PCSK5: variants seen among roughly 807,000 people sequenced by gnomAD.
The protein encoded by PCSK5 is proprotein convertase subtilisin/kexin type 5, also known as prohormone convertase 5.
A neutral mutation model predicts 233.2 loss-of-function variants in PCSK5; 129 were observed. The ratio of observed to expected loss-of-function variants is 0.55; its 90% CI spans 0.48 to 0.64. The LOEUF (loss-of-function observed/expected upper bound fraction) is 0.64. PCSK5 is among the 30% of genes least tolerant of loss of function. The pLI is 0.00. For missense variants in PCSK5, 2,076 were observed against 2,430.1 expected (o/e 0.85, Z 3.06); for synonymous variants, 825 against 879.2 (o/e 0.94, Z 1.09).
At chr9:76,043,818 G>A (rs868295901) in intron 5 of PCSK5, among the ~76,000 whole-genome samples, 1 of 151,980 alleles carries the variant, frequency 6.6e-6, no homozygotes, top group Admixed American at 6.6e-5. Context: ...GCAATCCACC[G>A]GTCTCATTCT....
chr9:76,273,146 G>A (rs904334173), intron 24 of PCSK5, among the ~76,000 whole-genome samples: 4 of 152,010 alleles, frequency 2.6e-5, no homozygotes, highest in African/African-American at 9.7e-5. Context: ...TCTGCCTTCT[G>A]TCTGTACCAC....
intron 3 of PCSK5, among the ~76,000 whole-genome samples, chr9:75,994,300 C>A (rs1251122487): frequency 6.6e-6 from 1 of 151,864 alleles, no homozygotes; most frequent in Non-Finnish European, 1.5e-5. Flanking sequence ...CCTTCCCCAC[C>A]ACTACCTTTA....
chr9:76,029,305 GA>G (rs1828558723), intron 5 of PCSK5, among the ~76,000 whole-genome samples: 1 of 152,086 alleles, frequency 6.6e-6, no homozygotes, highest in South Asian at 2.1e-4. Context: ...TAAAAGTAAA[GA>G]TTTGAAAGCA....
intron 17 of PCSK5, among the ~76,000 whole-genome samples, chr9:76,188,153 T>A (rs1824193263): frequency 1.3e-5 from 2 of 152,240 alleles, no homozygotes; most frequent in Admixed American, 6.5e-5. Flanking sequence ...GTGTTCCTAC[T>A]GCATTTATAA....
chr9:75,970,411 A>G (rs2131363414), intron 2 of PCSK5, among the ~76,000 whole-genome samples: 1 of 152,306 alleles, frequency 6.6e-6, no homozygotes, highest in South Asian at 2.1e-4. Context: ...ATCATTGCCA[A>G]GGCTGTGCCT....
At chr9:75,920,240 CA>C (rs368934034) in intron 1 of PCSK5, among the ~76,000 whole-genome samples, 1 of 152,076 alleles carries the variant, frequency 6.6e-6, no homozygotes. Flanking sequence ...TTTTAAAACT[CA>C]GAGTGACAGG....
chr9:75,947,345 A>G lies in PCSK5; in HGVS notation c.297+14862A>G, dbSNP rs190267526. On this transcript the variant is annotated intron_variant, in intron 2 of 37. Coordinates refer to ENST00000674117, the MANE Select transcript of PCSK5 (RefSeq NM_001372043.1). ...CCAGTGGTGGTAGAGTCAGGATAGAAAATAGAAGAAACCAAAAATAAAGTC... is the reference window on the plus strand; with the variant it reads ...CCAGTGGTGGTAGAGTCAGGATAGAGAATAGAAGAAACCAAAAATAAAGTC... 1.0e-3 allele frequency among the ~76,000 whole-genome samples: 154 copies of G among 152,360 alleles called. 2 individuals carry two copies. Among genetic ancestry groups the G allele is most frequent in the Non-Finnish European group, 2.6e-4 (18 of 68,038 alleles).
chr9:76,039,720 G>C (rs997261470), intron 5 of PCSK5, among the ~76,000 whole-genome samples: 1 of 152,140 alleles, frequency 6.6e-6, no homozygotes, highest in Non-Finnish European at 1.5e-5. Context: ...CTGCTTCTTT[G>C]GTCTTCCTGT....
At chr9:76,254,171 C>T (rs1042409549) in intron 24 of PCSK5, among the ~76,000 whole-genome samples, 5 of 152,118 alleles carry the variant, frequency 3.3e-5, no homozygotes, top group South Asian at 2.1e-4. Flanking sequence ...TACATGATTA[C>T]GCCTGGGATC....
intron 10 of PCSK5, among the ~76,000 whole-genome samples, chr9:76,135,556 A>G (rs184196696): frequency 4.9e-4 from 75 of 152,228 alleles, no homozygotes; most frequent in South Asian, 1.4e-3. Context: ...CTGAAGCCCA[A>G]ATCAGGAGAT....
intron 2 of PCSK5, among the ~76,000 whole-genome samples, chr9:75,939,291 T>A (rs981055039): frequency 7.9e-5 from 12 of 152,228 alleles, no homozygotes; most frequent in Admixed American, 7.9e-4. Context: ...TAACACAGTT[T>A]TGCAGAAAGT....
At chr9:75,969,593 C>T (rs2047018084) in intron 2 of PCSK5, among the ~76,000 whole-genome samples, 1 of 152,166 alleles carries the variant, frequency 6.6e-6, no homozygotes, top group African/African-American at 2.4e-5. Context: ...ATTCTCTGGT[C>T]AGTCGGGTCT....
intron 2 of PCSK5, among the ~76,000 whole-genome samples, chr9:75,943,029 C>T (rs1239531149): frequency 2.6e-5 from 4 of 151,676 alleles, no homozygotes; most frequent in Admixed American, 6.6e-5. Context: ...GGATTACAGG[C>T]GCTCGCCACC....
At chr9:76,054,710 G>A (rs1220468947) in intron 5 of PCSK5, among the ~76,000 whole-genome samples, 4 of 152,138 alleles carry the variant, frequency 2.6e-5, no homozygotes, top group Non-Finnish European at 4.4e-5. Context: ...TGCAAAAATA[G>A]TACAGAGTTC....
Position 76,157,232 on chromosome 9 carries a change from C to T in PCSK5, c.1430+70C>T, listed in dbSNP as rs3824475. 2.0e-3 allele frequency: 1,995 copies of T among 991,834 alleles called. 15 individuals carry two copies. Among genetic ancestry groups the T allele is most frequent in the East Asian group, 0.02 (823 of 41,948 alleles). The allele number at this position is 991,834 out of a possible 1,614,324, so 61.4% of individuals were successfully genotyped here. On this transcript the variant is annotated intron_variant, in intron 11 of 37. Coordinates refer to ENST00000674117, the MANE Select transcript of PCSK5 (RefSeq NM_001372043.1). The stretch of plus-strand genomic sequence containing the variant: ...GAGCAAGCCAGTCAATTGCTCAAGA[C>T]AGCCTCTTGTTGCACACAGAAGCTA...
At chr9:76,146,235 A>G (rs948383095) in intron 10 of PCSK5, among the ~76,000 whole-genome samples, 1 of 152,120 alleles carries the variant, frequency 6.6e-6, no homozygotes. Context: ...AAAGAAAGCT[A>G]TTGTGATCAC....
At chr9:76,263,449 T>A (rs1305512279) in intron 24 of PCSK5, among the ~76,000 whole-genome samples, 2 of 152,086 alleles carry the variant, frequency 1.3e-5, no homozygotes, top group Non-Finnish European at 2.9e-5. Flanking sequence ...TATAAAGCCA[T>A]AAAAAATGAC....
intron 7 of PCSK5, among the ~76,000 whole-genome samples, chr9:76,085,636 A>G (rs1055646238): frequency 6.6e-6 from 1 of 152,220 alleles, no homozygotes; most frequent in Non-Finnish European, 1.5e-5. Context: ...TAATTAAGAC[A>G]GGATTGTGTT....
chr9:76,020,372 G>T (rs1236214907), intron 3 of PCSK5, among the ~76,000 whole-genome samples: 1 of 152,184 alleles, frequency 6.6e-6, no homozygotes, highest in Non-Finnish European at 1.5e-5. Flanking sequence ...AACTACATTA[G>T]AAACATATTT....
Sources: gnomAD v4.1 joint callset for allele counts (sites outside exome capture counted in the v4.1 genomes callset) on GRCh38, gnomAD v4.1.1 for gene constraint, MANE v1.5 for transcripts, NCBI Gene and HGNC (gene_info 2026-07-23, HGNC 2026-07-21) for gene names.